The following ST7 variants were observed in gnomAD, a reference collection of about 807,000 sequenced individuals.
The protein encoded by ST7 is suppression of tumorigenicity 7.
ST7 carries 28 observed loss-of-function variants against 78.7 expected under a neutral mutation model. The ratio of observed to expected loss-of-function variants is 0.36; its 90% CI spans 0.26 to 0.49. The LOEUF is 0.49. Among genes scored for constraint, ST7 ranks in the 20% least tolerant of loss-of-function variants. The pLI is 0.99. For missense variants in ST7, 418 were observed against 696.0 expected, an observed-to-expected ratio of 0.60 and a Z score of 4.49; for synonymous variants, 247 against 249.6, an observed-to-expected ratio of 0.99 and a Z score of 0.10.
chr7:117,088,233 G>A (rs1361902917), intron 1 of ST7, among the ~76,000 whole-genome samples: 1 of 152,034 alleles, frequency 6.6e-6, no homozygotes, highest in African/African-American at 2.4e-5. Context: ...ACTTCCTCTA[G>A]ATTTTATCTG....
chr7:117,140,678 G>A (rs977314667), intron 9 of ST7, among the ~76,000 whole-genome samples: 7 of 151,840 alleles, frequency 4.6e-5, no homozygotes, highest in African/African-American at 1.7e-4. Context: ...ATGCATGTTT[G>A]TATATATATG....
intron 3 of ST7, among the ~76,000 whole-genome samples, chr7:117,127,522 C>G (rs543190836): frequency 1.4e-4 from 22 of 151,996 alleles, no homozygotes; most frequent in African/African-American, 5.3e-4. Flanking sequence ...TGTCTTGCAC[C>G]TTCAATTTAA....
At chr7:117,160,641 TTG>T (rs765696043) in intron 9 of ST7, among the ~76,000 whole-genome samples, 13 of 150,836 alleles carry the variant, frequency 8.6e-5, no homozygotes, top group South Asian at 2.1e-4. Context: ...ATACATATAC[TTG>T]TGTGTGTGTG....
chr7:117,130,572 T>C lies in ST7; in HGVS notation c.531T>C (p.Thr177=), dbSNP rs770505936. Residue 177 remains threonine, a synonymous_variant, in exon 5 of 16, where the codon ACT becomes ACC. Coordinates refer to ENST00000323984, the MANE Select transcript of ST7 (RefSeq NM_001369598.1). ...CCCAAGACCACCAGACATTCTTTAC[T>C]TGTGACTCGGACCATCTGCGTCCCG... The part of the protein sequence containing the change: ...LSAQDHQTFF[T]CDSDHLRPAD... The C allele has an allele frequency of 1.2e-6, 2 of 1,611,398 alleles. No individual in the cohort carries two copies. Among genetic ancestry groups the C allele is most frequent in the Non-Finnish European group, 1.7e-6 (2 of 1,178,326 alleles).
chr7:117,094,966 A>G (rs1013425883), intron 1 of ST7, among the ~76,000 whole-genome samples: 11 of 152,174 alleles, frequency 7.2e-5, no homozygotes, highest in Non-Finnish European at 1.0e-4. Flanking sequence ...CATTAAAAGG[A>G]ACACGGCACA....
intron 15 of ST7, among the ~76,000 whole-genome samples, chr7:117,224,897 G>C (rs1404527833): frequency 1.3e-5 from 2 of 152,162 alleles, no homozygotes; most frequent in Non-Finnish European, 2.9e-5. Context: ...AGCTTTTCAG[G>C]AATCAGTGGT....
intron 9 of ST7, among the ~76,000 whole-genome samples, chr7:117,159,166 A>C (rs751363676): frequency 6.6e-6 from 1 of 152,248 alleles, no homozygotes; most frequent in Non-Finnish European, 1.5e-5. Flanking sequence ...AAAAGCATAC[A>C]GACCGTAGTT....
At chr7:117,142,515 G>A (rs142894655) in intron 9 of ST7, among the ~76,000 whole-genome samples, 1 of 151,994 alleles carries the variant, frequency 6.6e-6, no homozygotes, top group Non-Finnish European at 1.5e-5. Flanking sequence ...GTTGCTAAAT[G>A]TCCCCTGGGG....
At chr7:116,982,986 C>A (rs1794025965) in intron 1 of ST7, among the ~76,000 whole-genome samples, 1 of 152,196 alleles carries the variant, frequency 6.6e-6, no homozygotes, top group South Asian at 2.1e-4. Flanking sequence ...GCAACCTCCG[C>A]CTCCCAGGTT....
chr7:116,959,669 A>G (rs1792721018), intron 1 of ST7: 1 of 152,986 alleles, frequency 6.5e-6, no homozygotes, highest in African/African-American at 2.4e-5. Flanking sequence ...CATCTAAAGC[A>G]TGGTGGTTCA....
intron 12 of ST7, among the ~76,000 whole-genome samples, chr7:117,208,902 GGTGTGTGTGTGTGTGTGT>G (rs58017025): frequency 9.3e-5 from 13 of 139,796 alleles, no homozygotes; most frequent in African/African-American, 3.3e-4. Context: ...TGTATGTGTG[GGTGTGTGTGTGTGTGTGT>G]GTGTGTGTGT....
intron 1 of ST7, among the ~76,000 whole-genome samples, chr7:117,051,155 T>C (rs374276362): frequency 2.6e-5 from 4 of 152,258 alleles, no homozygotes; most frequent in African/African-American, 9.6e-5. Context: ...AAACTTACTG[T>C]GTTTAACTGC....
rs35826542 is a variant in ST7, at chr7:117,002,666, T to TGTGTGG, written c.151+48975_151+48976insGTGTGG. 1.1e-4 allele frequency among the ~76,000 whole-genome samples: 16 copies of TGTGTGG among 151,396 alleles called. No homozygotes were observed. The South Asian group carries it at 1.9e-3, about 18-fold the overall frequency. ...GTGTGTGTGTGTGTGTGTGTGTGTG[T>TGTGTGG]TTGTATGTATGTGTGTTAAAGGCAG... On this transcript the variant is annotated intron_variant, in intron 1 of 15. Transcript: ENST00000323984.
At chr7:117,108,847 T>C (rs1324112873) in intron 2 of ST7, among the ~76,000 whole-genome samples, 1 of 152,154 alleles carries the variant, frequency 6.6e-6, no homozygotes, top group African/African-American at 2.4e-5. Context: ...TTTTATTTTT[T>C]TATTTTTACA....
Position 117,130,586 on chromosome 7 carries a change from A to G in ST7, c.545A>G (p.His182Arg). 1 of 1,610,444 alleles carries G rather than the reference A, an allele frequency of 6.2e-7. No homozygotes were observed. Among genetic ancestry groups the G allele is most frequent in the Non-Finnish European group, 8.5e-7 (1 of 1,177,926 alleles). Residue 182 changes from histidine (H) to arginine (R), a missense_variant, in exon 5 of 16, where the codon CAT (histidine) becomes CGT (arginine). Around this residue, in one of 4 missense-constraint regions of ST7, gnomAD observed 288 missense variants for 537.1 expected, o/e 0.54. Coordinates refer to ENST00000323984, the MANE Select transcript of ST7 (RefSeq NM_001369598.1). ...ACATTCTTTACTTGTGACTCGGACC[A>G]TCTGCGTCCCGCAGATGCAAGTATG... ...HQTFFTCDSD[H>R]LRPADAIMQK...
chr7:117,177,240 G>C (rs1473014727), intron 10 of ST7, among the ~76,000 whole-genome samples: 3 of 152,288 alleles, frequency 2.0e-5, no homozygotes, highest in African/African-American at 7.2e-5. Flanking sequence ...ACTATATATT[G>C]CATTGAGCAA....
chr7:117,227,984 C>T (rs1793558050), intron 15 of ST7, among the ~76,000 whole-genome samples: 1 of 152,208 alleles, frequency 6.6e-6, no homozygotes, highest in African/African-American at 2.4e-5. Flanking sequence ...TCCTTCTAGC[C>T]ACTTTTGAAC....
intron 12 of ST7, among the ~76,000 whole-genome samples, chr7:117,197,639 G>A (rs1371085396): frequency 1.3e-5 from 2 of 152,200 alleles, no homozygotes; most frequent in Non-Finnish European, 2.9e-5. Flanking sequence ...AACCTATTAA[G>A]TACAAATGGA....
intron 1 of ST7, among the ~76,000 whole-genome samples, chr7:117,010,162 A>T (rs1161103563): frequency 3.9e-5 from 6 of 152,230 alleles, no homozygotes; most frequent in Non-Finnish European, 8.8e-5. Flanking sequence ...GCTAGTAACT[A>T]GTCTGGTTAG....
Sources: gnomAD v4.1 joint callset for allele counts (sites outside exome capture counted in the v4.1 genomes callset) on GRCh38, gnomAD v4.1.1 for gene constraint, gnomAD v4.1.1 regional missense constraint, MANE v1.5 for transcripts, NCBI Gene and HGNC (gene_info 2026-07-23, HGNC 2026-07-21) for gene names.